The following CABLES1 variants were observed in gnomAD, a reference collection of about 807,000 sequenced individuals.
CABLES1 encodes CDK5 and ABL1 enzyme substrate 1.
In CABLES1, 36 loss-of-function variants were observed where a neutral mutation model predicts 57.8. The observed-to-expected ratio is 0.62, with a 90% CI of 0.48 to 0.82. The LOEUF is 0.82. Ranked by LOEUF, CABLES1 falls within the 40% of genes least tolerant of loss-of-function variation. The pLI, the probability that CABLES1 is intolerant of heterozygous loss-of-function variation, is 0.00. For missense variants in CABLES1, 767 were observed against 836.6 expected (o/e 0.92, Z 1.03); for synonymous variants, 374 against 363.0 (o/e 1.03, Z -0.35).
At chr18:23,135,252 G>A (rs368617782), upstream of CABLES1, among the ~76,000 whole-genome samples, 18 of 152,086 alleles carry the variant, frequency 1.2e-4, no homozygotes, top group African/African-American at 9.7e-5. Context: ...CCGACAACCC[G>A]GACAGCCGGG....
At chr18:23,239,546 A>G (rs764067204) in intron 7 of CABLES1, among the ~76,000 whole-genome samples, 13 of 152,160 alleles carry the variant, frequency 8.5e-5, no homozygotes, top group African/African-American at 1.4e-4. Context: ...TTTCTCATGC[A>G]TTTGCATTGA....
intron 1 of CABLES1, among the ~76,000 whole-genome samples, chr18:23,183,802 A>G (rs148407215): frequency 2.0e-5 from 3 of 152,168 alleles, no homozygotes; most frequent in Non-Finnish European, 2.9e-5. Context: ...GTCTATAATG[A>G]TAAGGAGTTT....
intron 7 of CABLES1, among the ~76,000 whole-genome samples, chr18:23,251,490 A>G (rs1187010649): frequency 6.6e-6 from 1 of 152,110 alleles, no homozygotes; most frequent in Non-Finnish European, 1.5e-5. Context: ...AGTCAGCCAA[A>G]AAAGACCCAG....
At chr18:23,219,222 G>A (rs2047467989) in intron 4 of CABLES1, 1 of 453,998 alleles carries the variant, frequency 2.2e-6, no homozygotes, top group African/African-American at 2.0e-5. Flanking sequence ...TGTGTGTGGA[G>A]CCTACTCTCC....
At chr18:23,162,509 G>A (rs866365491) in intron 1 of CABLES1, among the ~76,000 whole-genome samples, 7 of 152,228 alleles carry the variant, frequency 4.6e-5, no homozygotes, top group Non-Finnish European at 7.3e-5. Context: ...TGAGTATAGA[G>A]GGTTGAACCA....
intron 7 of CABLES1, among the ~76,000 whole-genome samples, chr18:23,237,563 A>G (rs1433667746): frequency 6.6e-6 from 1 of 152,242 alleles, no homozygotes; most frequent in African/African-American, 2.4e-5. Flanking sequence ...GACCAGGCCC[A>G]TCCCTGGTAG....
chr18:23,161,604 T>C (rs1194312000), intron 1 of CABLES1, among the ~76,000 whole-genome samples: 1 of 150,630 alleles, frequency 6.6e-6, no homozygotes, highest in Non-Finnish European at 1.5e-5. Flanking sequence ...CATTTATGTA[T>C]ACTTCTTTTA....
chr18:23,155,032 C>T (rs1266097875), intron 1 of CABLES1, among the ~76,000 whole-genome samples: 1 of 152,156 alleles, frequency 6.6e-6, no homozygotes, highest in East Asian at 1.9e-4. Flanking sequence ...TAATTGGGGC[C>T]TGGCAGATCG....
chr18:23,208,291 G>A (rs2047378871), intron 3 of CABLES1, among the ~76,000 whole-genome samples: 1 of 152,222 alleles, frequency 6.6e-6, no homozygotes, highest in African/African-American at 2.4e-5. Context: ...ATCCAACAGT[G>A]AGGGGAGTTG....
At chr18:23,166,494 C>T (rs2047043727) in intron 1 of CABLES1, among the ~76,000 whole-genome samples, 1 of 152,180 alleles carries the variant, frequency 6.6e-6, no homozygotes, top group South Asian at 2.1e-4. Context: ...TGAGCCACCG[C>T]TCCTGGCCAA....
intron 3 of CABLES1, among the ~76,000 whole-genome samples, chr18:23,204,116 C>A (rs2047345494): frequency 6.6e-6 from 1 of 152,204 alleles, no homozygotes; most frequent in Non-Finnish European, 1.5e-5. Flanking sequence ...CAAGTCTCAC[C>A]ATCGCATTTC....
chr18:23,174,102 T>G (rs1435729545), intron 1 of CABLES1, among the ~76,000 whole-genome samples: 1 of 152,210 alleles, frequency 6.6e-6, no homozygotes, highest in Non-Finnish European at 1.5e-5. Context: ...AGCAGTCTCT[T>G]CCCATTCCTC....
intron 3 of CABLES1, among the ~76,000 whole-genome samples, chr18:23,204,051 C>A (rs1189949667): frequency 1.3e-5 from 2 of 152,210 alleles, no homozygotes; most frequent in Non-Finnish European, 2.9e-5. Flanking sequence ...CCAGACCTCA[C>A]TGGGGCTCCG....
intron 1 of CABLES1, among the ~76,000 whole-genome samples, chr18:23,174,511 G>C (rs924038944): frequency 6.6e-6 from 1 of 150,958 alleles, no homozygotes; most frequent in African/African-American, 2.5e-5. Flanking sequence ...TCGCTGTGTC[G>C]CCCAGGCTGG....
chr18:23,244,686 G>T (rs943274823), intron 7 of CABLES1, among the ~76,000 whole-genome samples: 1 of 152,248 alleles, frequency 6.6e-6, no homozygotes, highest in Non-Finnish European at 1.5e-5. Flanking sequence ...CGCAGTGGCT[G>T]TTGGCGCTGG....
At chr18:23,216,691 C>G (rs2145056716) in intron 4 of CABLES1, among the ~76,000 whole-genome samples, 1 of 152,314 alleles carries the variant, frequency 6.6e-6, no homozygotes, top group Admixed American at 6.5e-5. Context: ...TTCTGCAAAG[C>G]CATTAGGAAG....
intron 4 of CABLES1, among the ~76,000 whole-genome samples, chr18:23,226,316 T>G (rs1220477921): frequency 3.3e-5 from 5 of 151,644 alleles, no homozygotes; most frequent in Non-Finnish European, 7.4e-5. Context: ...GCAGGAGAAT[T>G]GCTTGAACCT....
chr18:23,258,935 C>T lies in CABLES1; in HGVS notation c.*1568C>T, dbSNP rs2048231399. The T allele has an allele frequency of 6.6e-6, 1 of 150,870 alleles. No homozygotes were observed. The allele number at this position is 150,870 out of a possible 1,614,324, so 9.3% of individuals were successfully genotyped here. On this transcript the variant is annotated 3_prime_UTR_variant, in exon 10 of 10. Coordinates refer to ENST00000256925, the MANE Select transcript of CABLES1 (RefSeq NM_001100619.3). Reference sequence around the variant, plus strand: ...AATCTTAGATTGCACTGAGTTTAGTCCTAAATATTTTGCTAACAAATTTCC... The same window carrying T: ...AATCTTAGATTGCACTGAGTTTAGTTCTAAATATTTTGCTAACAAATTTCC...
intron 1 of CABLES1, among the ~76,000 whole-genome samples, chr18:23,143,422 G>T (rs1433928785): frequency 6.6e-6 from 1 of 152,228 alleles, no homozygotes; most frequent in East Asian, 1.9e-4. Context: ...TTAAAGCTCT[G>T]CTGGGTCCTC....
Sources: gnomAD v4.1 joint callset for allele counts (sites outside exome capture counted in the v4.1 genomes callset) on GRCh38, gnomAD v4.1.1 for gene constraint, MANE v1.5 for transcripts, NCBI Gene and HGNC (gene_info 2026-07-23, HGNC 2026-07-21) for gene names.